The following PREX1 variants were observed in gnomAD, a reference collection of about 807,000 sequenced individuals.
PREX1 encodes the protein phosphatidylinositol-3,4,5-trisphosphate dependent Rac exchange factor 1.
PREX1 carries 41 observed loss-of-function variants against 198.3 expected under a neutral mutation model. The ratio of observed to expected loss-of-function variants is 0.21; its 90% CI spans 0.16 to 0.27. The LOEUF is 0.27. PREX1 is among the 10% of genes least tolerant of loss of function. The pLI is 1.00. For synonymous variants in PREX1, 843 were observed against 887.2 expected, an observed-to-expected ratio of 0.95 and a Z score of 0.89; for missense variants, 1,620 against 2,200.7, an observed-to-expected ratio of 0.74 and a Z score of 5.28.
chr20:48,715,419 G>C (rs539827959), intron 5 of PREX1, among the ~76,000 whole-genome samples: 122 of 152,320 alleles, frequency 8.0e-4, no homozygotes, highest in African/African-American at 2.8e-3. Flanking sequence ...CCTTATTCTA[G>C]CTCAAACCCA....
In PREX1 at chr20:48,639,775, A is replaced by C; in HGVS notation, c.3895T>G (p.Tyr1299Asp). The C allele has an allele frequency of 1.2e-6, 2 of 1,613,758 alleles. No homozygotes were observed. Among genetic ancestry groups the C allele is most frequent in the Non-Finnish European group, 1.7e-6 (2 of 1,179,866 alleles). Reference sequence around the variant, plus strand: ...CTCCCTGCCCACCGACCTTCCACATATCTCTGAATGTTGTCCACCAGGGTC... The same window carrying C: ...CTCCCTGCCCACCGACCTTCCACATCTCTCTGAATGTTGTCCACCAGGGTC... ...IKTLVDNIQR[Y>D]VEDGKNQLLL... Residue 1299 changes from tyrosine to aspartate, a missense_variant, in exon 30 of 40, where the codon TAT (tyrosine) becomes GAT (aspartate). Transcript: ENST00000371941.
rs189025139 is a variant in PREX1 at position 48,683,638 on chromosome 20, C to A, written c.1335-2303G>T. Among the ~76,000 whole-genome samples the A allele has an allele frequency of 1.5e-3, 234 of 152,314 alleles. 1 individual carries two copies. The highest frequency in any genetic ancestry group is 5.3e-3 in the African/African-American group (222 of 41,572). ...CAGCCGGGGCCTGCCGTGTCTAAAG[C>A]TGGCAGCCACTCTTCAGTGTAGCCC... On this transcript the variant is annotated intron_variant, in intron 10 of 39. Transcript: ENST00000371941.
chr20:48,759,980 C>T lies in PREX1; in HGVS notation c.220-12100G>A, dbSNP rs28451119. 2.2e-3 allele frequency among the ~76,000 whole-genome samples: 327 copies of T among 152,006 alleles called. 1 individual carries two copies. The highest frequency in any genetic ancestry group is 0.01 in the Middle Eastern group (3 of 294). ...CAAACAAAATAGCCAGGTGTGGTGG[C>T]GCACACCTGTAGTCCCAGCTACTCG... On this transcript the variant is annotated intron_variant, in intron 1 of 39. Transcript: ENST00000371941.
intron 1 of PREX1, among the ~76,000 whole-genome samples, chr20:48,803,349 C>T (rs964983176): frequency 2.0e-5 from 3 of 151,970 alleles, no homozygotes; most frequent in Admixed American, 1.3e-4. Flanking sequence ...CCAGCATATG[C>T]GGGTGGGGGA....
At chr20:48,836,188 C>T in the PREX1 span, among the ~76,000 whole-genome samples, 2 of 152,136 alleles carry the variant, frequency 1.3e-5, no homozygotes, top group Non-Finnish European at 2.9e-5. Context: ...AAATTAAATA[C>T]CCAAGTCAGA....
intron 3 of PREX1, among the ~76,000 whole-genome samples, chr20:48,740,680 G>A (rs2090077182): frequency 6.6e-6 from 1 of 152,194 alleles, no homozygotes; most frequent in Non-Finnish European, 1.5e-5. Context: ...TATCCTCCGT[G>A]AGCAGGCAGG....
chr20:48,766,069 T>G (rs2122860394), intron 1 of PREX1, among the ~76,000 whole-genome samples: 1 of 152,304 alleles, frequency 6.6e-6, no homozygotes, highest in African/African-American at 2.4e-5. Context: ...CACCCCCAGA[T>G]GGGACTGTCT....
At position 48,624,708 on chromosome 20, in the gene PREX1, T is replaced by C. The variant is rs1448217398; in HGVS notation, c.*1177A>G. 1 of 152,266 alleles carries C rather than the reference T, an allele frequency of 6.6e-6. No homozygotes were observed. The highest frequency in any genetic ancestry group is 1.9e-4 in the East Asian group (1 of 5,196). The allele number at this position is 152,266 out of a possible 1,614,324, so 9.4% of individuals were successfully genotyped here. A position where few individuals can be genotyped will look rare whatever the true frequency, so the allele number is the denominator to read the frequency against. ...CCCCAGCAGGCAGGGTGGCTTCCTG[T>C]GCTCTGGCTGGTGATGTCCCAATCG... On this transcript the variant is annotated 3_prime_UTR_variant, in exon 40 of 40. Coordinates refer to ENST00000371941, the MANE Select transcript of PREX1 (RefSeq NM_020820.4).
At chr20:48,742,860 A>G (rs1210404369) in intron 3 of PREX1, among the ~76,000 whole-genome samples, 1 of 152,054 alleles carries the variant, frequency 6.6e-6, no homozygotes, top group Non-Finnish European at 1.5e-5. Context: ...CCACTTCCCC[A>G]CAGCCTCTGG....
the PREX1 span, among the ~76,000 whole-genome samples, chr20:48,885,818 C>A: frequency 6.6e-6 from 1 of 152,164 alleles, no homozygotes; most frequent in South Asian, 2.1e-4. Flanking sequence ...TGAAAGGCTA[C>A]ATCCTGTCTG....
In PREX1 at chr20:48,642,440, C is replaced by A; in HGVS notation, c.3651G>T (p.Lys1217Asn). The A allele has an allele frequency of 6.2e-7, 1 of 1,613,640 alleles. No individual in the cohort carries two copies. The highest frequency in any genetic ancestry group is 8.5e-7 in the Non-Finnish European group (1 of 1,179,638). The change falls in exon 28 of 40, where the codon AAG becomes AAT. Residue 1217 changes from lysine to asparagine, a missense_variant. Lys to Asn is a moderately conservative substitution (Grantham distance 94). Transcript: ENST00000371941. Reference sequence around the variant, plus strand: ...AGAGGTGCTCCAGGCAGCCATGAAGCTTGTCCTGCTTGTCAGATGGGATCC... The same window carrying A: ...AGAGGTGCTCCAGGCAGCCATGAAGATTGTCCTGCTTGTCAGATGGGATCC... The part of the protein sequence containing the change: ...DMRIPSDKQD[K>N]LHGCLEHLFN...
At chr20:48,748,105 ACGCCAGGCCCTG>A (rs1317423720) in intron 1 of PREX1, among the ~76,000 whole-genome samples, 57 of 152,188 alleles carry the variant, frequency 3.7e-4, no homozygotes, top group African/African-American at 1.3e-3. Flanking sequence ...TGCACCTACG[ACGCCAGGCCCTG>A]CACTGGGCCC....
chr20:48,851,245 G>A, the PREX1 span, among the ~76,000 whole-genome samples: 4 of 152,248 alleles, frequency 2.6e-5, no homozygotes, highest in East Asian at 7.7e-4. Flanking sequence ...GGTGGTTCAC[G>A]CCTGTAATCC....
chr20:48,815,787 A>ACC (rs1029292816), intron 1 of PREX1, among the ~76,000 whole-genome samples: 2 of 152,046 alleles, frequency 1.3e-5, no homozygotes, highest in African/African-American at 4.8e-5. Context: ...TGGGCAAATC[A>ACC]CCTGAGGTCA....
chr20:48,652,498 G>C lies in PREX1; in HGVS notation c.2467+88C>G, dbSNP rs532290531. The stretch of plus-strand genomic sequence containing the variant: ...GGAGGTGGACTGGCTGGGAGGAGGG[G>C]AGGGGAGGGGACAACAGGAGAGGAC... On this transcript the variant is annotated intron_variant, in intron 21 of 39. Coordinates refer to ENST00000371941, the MANE Select transcript of PREX1 (RefSeq NM_020820.4). 455 of 1,465,896 alleles carry C rather than the reference G, an allele frequency of 3.1e-4. 6 individuals carry two copies. In the Middle Eastern group the frequency reaches 3.7e-3, roughly 12 times the overall value. The allele number at this position is 1,465,896 out of a possible 1,614,324, so 90.8% of individuals were successfully genotyped here. A position where few individuals can be genotyped will look rare whatever the true frequency, so the allele number is the denominator to read the frequency against.
intron 25 of PREX1, among the ~76,000 whole-genome samples, chr20:48,646,581 C>G (rs546320780): frequency 1.3e-4 from 19 of 151,100 alleles, no homozygotes; most frequent in Admixed American, 1.3e-3. Context: ...ATCCCAGCTA[C>G]TCGGGAGGCT....
At position 48,691,160 on chromosome 20, in the gene PREX1, T is replaced by C. The variant is rs2089817325; in HGVS notation, c.1037-64A>G. ...GCCGCGTGACCTTCAACACTCCCCA[T>C]TGCCAAGCCCTTCCGCCCCAGCACA... On this transcript the variant is annotated intron_variant, in intron 8 of 39. Coordinates refer to ENST00000371941, the MANE Select transcript of PREX1 (RefSeq NM_020820.4). This position sits in a 1 kb window ranked among gnomAD's most constrained non-coding sequence, Gnocchi z 5.0. 6 of 1,604,276 alleles carry C rather than the reference T, an allele frequency of 3.7e-6. No homozygotes were observed. The highest frequency in any genetic ancestry group is 2.2e-5 in the East Asian group (1 of 44,774).
At chr20:48,796,355 A>ATT (rs1208251676) in intron 1 of PREX1, among the ~76,000 whole-genome samples, 2 of 151,998 alleles carry the variant, frequency 1.3e-5, no homozygotes, top group Non-Finnish European at 2.9e-5. Flanking sequence ...TACAGCTATC[A>ATT]TTTTTGAAAT....
At chr20:48,831,161 C>T (rs1017281027), upstream of PREX1, among the ~76,000 whole-genome samples, 5 of 152,166 alleles carry the variant, frequency 3.3e-5, no homozygotes, top group African/African-American at 1.2e-4. Flanking sequence ...TCCTCACACA[C>T]CTCCAATGAA....
Sources: allele counts gnomAD v4.1 joint callset (sites outside exome capture counted in the v4.1 genomes callset), GRCh38; gene constraint gnomAD v4.1.1; non-coding constraint Gnocchi (gnomAD v3.1); transcripts MANE v1.5; gene names NCBI Gene and HGNC (gene_info 2026-07-23, HGNC 2026-07-21).